The following MYLIP variants were observed in gnomAD, a reference collection of about 807,000 sequenced individuals.
MYLIP encodes E3 ubiquitin-protein ligase MYLIP.
MYLIP carries 26 observed loss-of-function variants against 45.8 expected under a neutral mutation model. The observed-to-expected ratio is 0.57, with a 90% CI of 0.42 to 0.79. The LOEUF (loss-of-function observed/expected upper bound fraction) is 0.79. MYLIP is among the 30% of genes least tolerant of loss of function. The pLI is 0.00. For synonymous variants in MYLIP, 213 were observed against 218.1 expected, an observed-to-expected ratio of 0.98 and a Z score of 0.21; for missense variants, 494 against 555.6, an observed-to-expected ratio of 0.89 and a Z score of 1.11.
At chr6:16,135,603 G>T (rs1759533749) in intron 2 of MYLIP, among the ~76,000 whole-genome samples, 1 of 151,824 alleles carries the variant, frequency 6.6e-6, no homozygotes, top group African/African-American at 2.4e-5. Flanking sequence ...GTTAGATATG[G>T]CTAGTTACTT....
chr6:16,146,612 C>T (rs1432237512), intron 6 of MYLIP, 50 bp from the exon 7 acceptor site: 7 of 1,472,884 alleles, frequency 4.8e-6, no homozygotes, highest in Admixed American at 3.6e-5. Context: ...GACACAGGCC[C>T]CCCACCGAGG....
Position 16,145,148 on chromosome 6 carries a change from G to T in MYLIP, c.1079G>T (p.Cys360Phe). ...AAGTCCTCAGAAAGCAGCATGAACT[G>T]CAGCAGCTGCGAGGGCCTCAGCTGC... ...PLKSSESSMN[C>F]SSCEGLSCQQ... The change falls in exon 6 of 7, where the codon TGC becomes TTC. Residue 360 changes from cysteine to phenylalanine, a missense_variant. Coordinates refer to ENST00000356840, the MANE Select transcript of MYLIP (RefSeq NM_013262.4). 1 of 1,614,212 alleles carries T rather than the reference G, an allele frequency of 6.2e-7. No homozygotes were observed. The highest frequency in any genetic ancestry group is 8.5e-7 in the Non-Finnish European group (1 of 1,180,034).
In MYLIP at chr6:16,145,413, CG is replaced by C. The variant is rs950186979; in HGVS notation, c.1248+100del. The C allele has an allele frequency of 4.2e-5, 56 of 1,348,150 alleles. No homozygotes were observed. In the Middle Eastern group the frequency reaches 1.4e-3, roughly 33 times the overall value. 83.5% of individuals were successfully genotyped at this position (1,348,150 alleles called of 1,614,324 possible). Reference sequence around the variant, plus strand: ...AGGTACTGGCTCGCTAATGCACAGACGGGGAATGCCCATCTTCACCCGGAAA... The same window carrying C: ...AGGTACTGGCTCGCTAATGCACAGACGGGAATGCCCATCTTCACCCGGAAA... On this transcript the variant is annotated intron_variant, in intron 6 of 6. Coordinates refer to ENST00000356840, the MANE Select transcript of MYLIP (RefSeq NM_013262.4).
Position 16,129,531 on chromosome 6 carries a change from G to C in MYLIP, c.87+122G>C. 1 of 931,514 alleles carries C rather than the reference G, an allele frequency of 1.1e-6. No individual in the cohort carries two copies. The allele number at this position is 931,514 out of a possible 1,614,324, so 57.7% of individuals were successfully genotyped here. The stretch of plus-strand genomic sequence containing the variant: ...CCGGGAGGCACTGCGGCGGCAGCCG[G>C]GGGGAGCGCGTCCCCTCCTCTCCAC... On this transcript the variant is annotated intron_variant, in intron 1 of 6. Transcript: ENST00000356840. This position sits in a 1 kb window ranked among gnomAD's most constrained non-coding sequence, Gnocchi z 5.1.
In MYLIP at chr6:16,146,867, T is replaced by TAAA. The variant is rs35112615; in HGVS notation, c.*128_*130dup. On this transcript the variant is annotated 3_prime_UTR_variant, in exon 7 of 7. Transcript: ENST00000356840. ...CCAACACCCATCTGCCATGCGATGTTAAAAAAAAAAAAAAGGAAGAAAAAT... is the reference window on the plus strand; with the variant it reads ...CCAACACCCATCTGCCATGCGATGTTAAAAAAAAAAAAAAAAAGGAAGAAAAAT... 1,269 of 614,758 alleles carry TAAA rather than the reference T, an allele frequency of 2.1e-3. 8 individuals carry two copies. The highest frequency in any genetic ancestry group is 0.012 in the African/African-American group (592 of 51,192). The allele number at this position is 614,758 out of a possible 1,614,324, so 38.1% of individuals were successfully genotyped here. A position where few individuals can be genotyped will look rare whatever the true frequency, so the allele number is the denominator to read the frequency against.
At chr6:16,139,969 T>G (rs1412259812) in intron 2 of MYLIP, among the ~76,000 whole-genome samples, 1 of 152,228 alleles carries the variant, frequency 6.6e-6, no homozygotes, top group Admixed American at 6.5e-5. Flanking sequence ...ATAAGATTAA[T>G]GGCTCTTGTC....
chr6:16,141,916 C>G, intron 3 of MYLIP, 106 bp downstream of exon 3: 1 of 1,064,196 alleles, frequency 9.4e-7, no homozygotes, highest in Non-Finnish European at 1.3e-6. Flanking sequence ...GTTTTATGTA[C>G]ATTTTTGAGC....
rs1434456992 is a variant in MYLIP at position 16,148,166 on chromosome 6, AT to A, written c.*1416del. 6.6e-6 allele frequency: 1 copy of A among 152,662 alleles called. No individual in the cohort carries two copies. Among genetic ancestry groups the A allele is most frequent in the African/African-American group, 2.4e-5 (1 of 41,454 alleles). 9.5% of individuals were successfully genotyped at this position (152,662 alleles called of 1,614,324 possible). On this transcript the variant is annotated 3_prime_UTR_variant, in exon 7 of 7. Transcript: ENST00000356840. Reference sequence around the variant, plus strand: ...TATTTATTTTTTCACTTGTAAAAAAATAATGTTTCCACGTAAAGAACTCTGT... The same window carrying A: ...TATTTATTTTTTCACTTGTAAAAAAAAATGTTTCCACGTAAAGAACTCTGT...
rs1759438971 is a variant in MYLIP, at chr6:16,130,666, T to C, written c.197T>C (p.Met66Thr). The change falls in exon 2 of 7, where the codon ATG (methionine) becomes ACG (threonine). Residue 66 changes from methionine to threonine, a missense_variant. Transcript: ENST00000356840. ...CTGAGAAACCGGATCTCCCAGCAGA[T>C]GGATGGGCTAGCCCCTTACAGGCTT... ...LNLRNRISQQ[M>T]DGLAPYRLKL... is the part of the protein sequence containing the mutation. The C allele has an allele frequency of 6.2e-7, 1 of 1,614,096 alleles. No homozygotes were observed. Among genetic ancestry groups the C allele is most frequent in the Non-Finnish European group, 8.5e-7 (1 of 1,180,036 alleles).
At chr6:16,162,489 G>A in the MYLIP span, among the ~76,000 whole-genome samples, 7 of 152,114 alleles carry the variant, frequency 4.6e-5, no homozygotes. Context: ...GATTGCAACT[G>A]TAAGCAAAAA....
chr6:16,129,166 G>A lies in MYLIP; in HGVS notation c.-157G>A, dbSNP rs529329092. The A allele has an allele frequency of 2.5e-3, 1,698 of 692,616 alleles. 9 individuals are homozygous for A. The highest frequency in any genetic ancestry group is 3.0e-3 in the Non-Finnish European group (1,254 of 422,994). The allele number at this position is 692,616 out of a possible 1,614,324, so 42.9% of individuals were successfully genotyped here. On this transcript the variant is annotated 5_prime_UTR_variant, in exon 1 of 7. Transcript: ENST00000356840. This position sits in a 1 kb window ranked among gnomAD's most constrained non-coding sequence, Gnocchi z 5.1. ...GCGGGTGAGGGGGTGGCGGGGACGC[G>A]AGTGGCGGCCGCGGGGCCCCGGACA...
rs1449784336 is a variant in MYLIP at position 16,145,111 on chromosome 6, C to T, written c.1042C>T (p.His348Tyr). 6.2e-7 allele frequency: 1 copy of T among 1,614,230 alleles called. No individual in the cohort carries two copies. Among genetic ancestry groups the T allele is most frequent in the South Asian group, 1.1e-5 (1 of 91,082 alleles). The change falls in exon 6 of 7, where the codon CAC becomes TAC. Residue 348 changes from histidine to tyrosine, a missense_variant. His to Tyr is a moderately conservative substitution (Grantham distance 83). Transcript: ENST00000356840. ...TTCAAGAAACAACCAGAGCCCTTCA[C>T]ACTCGCCTCTGAAGTCCTCAGAAAG... ...LVSRNNQSPSHSPLKSSESSM... is the reference protein window; with the variant it reads ...LVSRNNQSPSYSPLKSSESSM...
At chr6:16,157,040 T>C in the MYLIP span, among the ~76,000 whole-genome samples, 3 of 152,216 alleles carry the variant, frequency 2.0e-5, no homozygotes, top group Admixed American at 6.5e-5. Flanking sequence ...CACATGACTT[T>C]CCATCTCAGG....
chr6:16,151,026 G>A (rs535721514), downstream of MYLIP, among the ~76,000 whole-genome samples: 4 of 152,154 alleles, frequency 2.6e-5, no homozygotes, highest in East Asian at 3.9e-4. Flanking sequence ...GGTATGCCCC[G>A]TAGAACAGGT....
the MYLIP span, among the ~76,000 whole-genome samples, chr6:16,157,557 C>T: frequency 1.3e-5 from 2 of 152,386 alleles, no homozygotes; most frequent in East Asian, 3.9e-4. Flanking sequence ...ATGAATGACT[C>T]ATAGGAGCCT....
At chr6:16,148,345 G>A (rs926784449), downstream of MYLIP, 9 of 151,576 alleles carry the variant, frequency 5.9e-5, no homozygotes, top group South Asian at 2.1e-4. Context: ...TCCTCCTACC[G>A]GGAATTTAAT....
chr6:16,132,504 T>C (rs1443198157), intron 2 of MYLIP, among the ~76,000 whole-genome samples: 1 of 152,226 alleles, frequency 6.6e-6, no homozygotes, highest in African/African-American at 2.4e-5. Context: ...TTTAATTCTT[T>C]TTGAAATTGT....
rs750232620 is a variant in MYLIP, at chr6:16,140,856, T to G, written c.279-769T>G. Among the ~76,000 whole-genome samples the G allele has an allele frequency of 7.5e-3, 1,144 of 152,194 alleles. 17 individuals carry two copies. The highest frequency in any genetic ancestry group is 0.026 in the African/African-American group (1,070 of 41,510). The stretch of plus-strand genomic sequence containing the variant: ...GAGCAGAGAAATGACAAGTTTATAC[T>G]AGAAACAAGCAGCATGGAAGGTAGG... On this transcript the variant is annotated intron_variant, in intron 2 of 6. Coordinates refer to ENST00000356840, the MANE Select transcript of MYLIP (RefSeq NM_013262.4).
chr6:16,154,378 T>A, the MYLIP span, among the ~76,000 whole-genome samples: 2 of 152,204 alleles, frequency 1.3e-5, no homozygotes, highest in Non-Finnish European at 2.9e-5. Context: ...AAAGGCTTGA[T>A]GGGAATTGGT....
Sources: allele counts gnomAD v4.1 joint callset (sites outside exome capture counted in the v4.1 genomes callset), GRCh38; gene constraint gnomAD v4.1.1; non-coding constraint Gnocchi (gnomAD v3.1); transcripts MANE v1.5; gene names NCBI Gene and HGNC (gene_info 2026-07-23, HGNC 2026-07-21).